Variants in GTF3C2 observed in about 807,000 individuals in gnomAD.
GTF3C2 encodes the protein general transcription factor 3C polypeptide 2.
A neutral mutation model predicts 117.4 loss-of-function variants in GTF3C2; 17 were observed. That is an observed-to-expected ratio of 0.14 (90% CI 0.10 to 0.22). The LOEUF (loss-of-function observed/expected upper bound fraction) is 0.22, where lower values mean the gene tolerates loss of function less well. Ranked by LOEUF, GTF3C2 falls within the 10% of genes least tolerant of loss-of-function variation. GTF3C2 has a pLI of 1.00. For synonymous variants in GTF3C2, 437 were observed against 427.0 expected (o/e 1.02, Z -0.29); for missense variants, 888 against 1,143.6 (o/e 0.78, Z 3.22).
exon 19 of GTF3C2, chr2:27,326,421 G>C: frequency 1.7e-6 from 1 of 573,050 alleles, no homozygotes; most frequent in Non-Finnish European, 3.1e-6. Flanking sequence ...AGGCCTGAGT[G>C]TTTCTCATGA....
intron 1 of GTF3C2, among the ~76,000 whole-genome samples, chr2:27,346,802 C>T (rs1384408593): frequency 6.6e-6 from 1 of 152,004 alleles, no homozygotes; most frequent in Non-Finnish European, 1.5e-5. Flanking sequence ...TCAAACAGTC[C>T]TCCCTCCCCA....
At chr2:27,334,807 T>C (rs548270952) in intron 10 of GTF3C2, among the ~76,000 whole-genome samples, 4 of 152,034 alleles carry the variant, frequency 2.6e-5, no homozygotes, top group Admixed American at 1.3e-4. Context: ...TATGTTCGGC[T>C]ACTTTTAAAA....
At chr2:27,331,547 G>A (rs1004372123) in intron 12 of GTF3C2, among the ~76,000 whole-genome samples, 2 of 152,064 alleles carry the variant, frequency 1.3e-5, no homozygotes, top group African/African-American at 4.8e-5. Context: ...GGATGGTCTC[G>A]ATCTCTTGAC....
rs533881871 is a variant in GTF3C2 at position 27,329,356 on chromosome 2, T to A, written c.1877+23A>T. ...CCTGTCCCAGTCTTCACCTTCCCCCTCCACATACCTCCTATTCCATACCTG... is the reference window on the plus strand; with the variant it reads ...CCTGTCCCAGTCTTCACCTTCCCCCACCACATACCTCCTATTCCATACCTG... On this transcript the variant is annotated intron_variant, in intron 13 of 18. Transcript: ENST00000264720. This position sits in a 1 kb window ranked among gnomAD's most constrained non-coding sequence, Gnocchi z 4.5. The A allele has an allele frequency of 3.1e-6, 5 of 1,613,802 alleles. No homozygotes were observed. In the African/African-American group the frequency reaches 6.7e-5, roughly 22 times the overall value.
At chr2:27,342,140 G>A (rs753180187) in exon 4 of GTF3C2, 1 of 1,614,110 alleles carries the variant, frequency 6.2e-7, no homozygotes, top group Admixed American at 1.7e-5. Context: ...TCGGTTTGGT[G>A]GGGCTGCTCA....
At chr2:27,344,641 T>C (rs968098455) in intron 1 of GTF3C2, among the ~76,000 whole-genome samples, 3 of 152,218 alleles carry the variant, frequency 2.0e-5, no homozygotes, top group Non-Finnish European at 2.9e-5. Flanking sequence ...GCATACTTAA[T>C]GTTAACATCT....
intron 12 of GTF3C2, among the ~76,000 whole-genome samples, chr2:27,331,307 T>A (rs960908626): frequency 6.6e-5 from 10 of 152,098 alleles, no homozygotes; most frequent in African/African-American, 2.4e-4. Context: ...TAGCAGAAAG[T>A]CTACTTATAT....
At chr2:27,335,514 G>A (rs1296471936) in intron 10 of GTF3C2, 84 bp downstream of exon 10, 3 of 782,026 alleles carry the variant, frequency 3.8e-6, no homozygotes, top group Non-Finnish European at 6.7e-6. Context: ...GACTGGCCCA[G>A]AGGAGTTTCC....
At chr2:27,335,880 GA>G in intron 9 of GTF3C2, 36 bp downstream of exon 9, 1 of 1,380,146 alleles carries the variant, frequency 7.2e-7, no homozygotes, top group Non-Finnish European at 1.0e-6. Flanking sequence ...TCCTGGCTTT[GA>G]GTCCTAGGGC....
intron 1 of GTF3C2, among the ~76,000 whole-genome samples, chr2:27,346,817 C>A (rs965154968): frequency 6.6e-6 from 1 of 152,080 alleles, no homozygotes; most frequent in Non-Finnish European, 1.5e-5. Context: ...TCCCCAGCTT[C>A]CCAAATAGCC....
intron 2 of GTF3C2, 55 bp downstream of exon 2, chr2:27,343,253 C>A (rs1680799518): frequency 6.3e-7 from 1 of 1,576,176 alleles, no homozygotes; most frequent in Non-Finnish European, 8.7e-7. Flanking sequence ...TCAATCTGCT[C>A]TTTCATCTTA....
At chr2:27,327,605 T>C (rs1480511367) in intron 17 of GTF3C2, among the ~76,000 whole-genome samples, 1 of 146,468 alleles carries the variant, frequency 6.8e-6, no homozygotes, top group African/African-American at 2.6e-5. Context: ...ATTACAGGTG[T>C]GAGCCACTAC....
At chr2:27,342,097 C>G in exon 4 of GTF3C2, 1 of 1,614,184 alleles carries the variant, frequency 6.2e-7, no homozygotes, top group African/African-American at 1.3e-5. Context: ...ACCTCTTCTC[C>G]ACCTGGACAG....
Position 27,329,003 on chromosome 2 carries a change from A to G in GTF3C2, c.2040-72T>C. On this transcript the variant is annotated intron_variant, in intron 14 of 18. Transcript: ENST00000264720. This position sits in a 1 kb window ranked among gnomAD's most constrained non-coding sequence, Gnocchi z 4.5. ...TTTCTTCTTCTTAACCTCTTCCAGA[A>G]TTTAAACCACCTCAGTGAACCAACT... The G allele has an allele frequency of 2.0e-6, 3 of 1,471,432 alleles. No individual in the cohort carries two copies. Among genetic ancestry groups the G allele is most frequent in the Non-Finnish European group, 2.8e-6 (3 of 1,052,898 alleles). The allele number at this position is 1,471,432 out of a possible 1,614,324, so 91.1% of individuals were successfully genotyped here.
At chr2:27,349,431 G>A (rs890118044) in intron 1 of GTF3C2, among the ~76,000 whole-genome samples, 13 of 152,338 alleles carry the variant, frequency 8.5e-5, no homozygotes, top group Admixed American at 3.3e-4. Context: ...ACAGGCGTGA[G>A]CCACTGCGCC....
chr2:27,346,016 CTTTTTTTTTTT>C (rs70953853), intron 1 of GTF3C2, among the ~76,000 whole-genome samples: 1 of 97,910 alleles, frequency 1.0e-5, no homozygotes, highest in African/African-American at 4.7e-5. Context: ...TGCCCCGCCA[CTTTTTTTTTTT>C]TTTTTTTTTT....
At position 27,335,862 on chromosome 2, in the gene GTF3C2, C is replaced by A. The variant is rs1319239233; in HGVS notation, c.1467+55G>T. 3 of 1,245,936 alleles carry A rather than the reference C, an allele frequency of 2.4e-6. No homozygotes were observed. In the Admixed American group the frequency reaches 5.3e-5, roughly 22 times the overall value. The allele number at this position is 1,245,936 out of a possible 1,614,324, so 77.2% of individuals were successfully genotyped here. A position where few individuals can be genotyped will look rare whatever the true frequency, so the allele number is the denominator to read the frequency against. On this transcript the variant is annotated intron_variant, in intron 9 of 18. Transcript: ENST00000264720. ...CCTTCAACTCTAAGAATTCCCAGGGCCTCTTTGTCCTGGCTTTGAGTCCTA... is the reference window on the plus strand; with the variant it reads ...CCTTCAACTCTAAGAATTCCCAGGGACTCTTTGTCCTGGCTTTGAGTCCTA...
At chr2:27,334,200 C>CT (rs368640856) in intron 10 of GTF3C2, among the ~76,000 whole-genome samples, 168 of 143,640 alleles carry the variant, frequency 1.2e-3, no homozygotes, top group Middle Eastern at 7.4e-3. Context: ...CAGGCCTTGC[C>CT]TTTTTTTTTT....
intron 6 of GTF3C2, 58 bp from the exon 7 acceptor site, chr2:27,337,400 T>A (rs1680527630): frequency 2.7e-6 from 4 of 1,474,406 alleles, no homozygotes; most frequent in Non-Finnish European, 3.8e-6. Flanking sequence ...ATCTCAGGGT[T>A]CCCATTATAG....
Sources: allele counts gnomAD v4.1 joint callset (sites outside exome capture counted in the v4.1 genomes callset), GRCh38; gene constraint gnomAD v4.1.1; non-coding constraint Gnocchi (gnomAD v3.1); transcripts MANE v1.5; gene names NCBI Gene and HGNC (gene_info 2026-07-23, HGNC 2026-07-21).